The following RGS8 variants were observed in gnomAD, a reference collection of about 807,000 sequenced individuals.
The protein encoded by RGS8 is regulator of G protein signaling 8.
In RGS8, 8 loss-of-function variants were observed where a neutral mutation model predicts 21.7. The ratio of observed to expected loss-of-function variants is 0.37; its 90% CI spans 0.22 to 0.66. RGS8 has a LOEUF of 0.66. Among genes scored for constraint, RGS8 ranks in the 30% least tolerant of loss-of-function variants. The pLI, the probability that RGS8 is intolerant of heterozygous loss-of-function variation, is 0.59. For missense variants in RGS8, 157 were observed against 217.9 expected (o/e 0.72, Z 1.76); for synonymous variants, 80 against 83.6 (o/e 0.96, Z 0.24).
chr1:182,726,956 C>A, the RGS8 span, among the ~76,000 whole-genome samples: 59 of 152,180 alleles, frequency 3.9e-4, no homozygotes, highest in African/African-American at 1.4e-3. Context: ...GGCTTCTTCA[C>A]CTTCTGGGGC....
the RGS8 span, among the ~76,000 whole-genome samples, chr1:182,706,999 A>G: frequency 1.3e-5 from 2 of 151,778 alleles, no homozygotes; most frequent in Non-Finnish European, 2.9e-5. Flanking sequence ...CTCTACTAAA[A>G]ATACAAAAAA....
At chr1:182,662,939 TAG>T (rs1220059287) in intron 5 of RGS8, among the ~76,000 whole-genome samples, 1 of 149,870 alleles carries the variant, frequency 6.7e-6, no homozygotes, top group Non-Finnish European at 1.5e-5. Flanking sequence ...AGATGTCCTG[TAG>T]ATTGAGAATG....
the RGS8 span, among the ~76,000 whole-genome samples, chr1:182,751,852 T>C: frequency 2.1e-4 from 32 of 152,362 alleles, no homozygotes; most frequent in African/African-American, 7.7e-4. Flanking sequence ...GAAACTCTAA[T>C]CATCAGATCA....
At chr1:182,702,559 A>G in the RGS8 span, among the ~76,000 whole-genome samples, 5 of 152,324 alleles carry the variant, frequency 3.3e-5, no homozygotes, top group Non-Finnish European at 7.4e-5. Context: ...TTTTTTAAAA[A>G]GACTTGTTGT....
At chr1:182,672,029 T>C (rs1350912265), upstream of RGS8, 10 of 706,276 alleles carry the variant, frequency 1.4e-5, no homozygotes, top group African/African-American at 1.9e-5. Context: ...GAGCTCAGCC[T>C]CACTAACCTG....
intron 4 of RGS8, 143 bp from the exon 6 acceptor site, chr1:182,666,176 T>G: frequency 1.7e-6 from 1 of 591,268 alleles, no homozygotes. Context: ...CCTGGATTCC[T>G]GCAATTCTGT....
At chr1:182,704,285 T>C in the RGS8 span, among the ~76,000 whole-genome samples, 1 of 150,072 alleles carries the variant, frequency 6.7e-6, no homozygotes, top group Non-Finnish European at 1.5e-5. Context: ...GTTGGAGAGG[T>C]TTTTTCTTGA....
At chr1:182,686,183 CAGTG>C (rs1418732551), upstream of RGS8, among the ~76,000 whole-genome samples, 1 of 152,166 alleles carries the variant, frequency 6.6e-6, no homozygotes, top group Non-Finnish European at 1.5e-5. Flanking sequence ...GTTTGGGAAA[CAGTG>C]AGTGTTCTTT....
intron 5 of RGS8, among the ~76,000 whole-genome samples, chr1:182,649,827 T>C (rs1420151586): frequency 6.6e-6 from 1 of 152,114 alleles, no homozygotes; most frequent in East Asian, 1.9e-4. Flanking sequence ...AGAAGTGTTC[T>C]ACTGGTTATA....
chr1:182,685,569 G>C (rs1664681506), upstream of RGS8, among the ~76,000 whole-genome samples: 1 of 152,194 alleles, frequency 6.6e-6, no homozygotes, highest in Non-Finnish European at 1.5e-5. Flanking sequence ...CACAAACACA[G>C]CTAACGATGG....
upstream of RGS8, among the ~76,000 whole-genome samples, chr1:182,685,841 T>C (rs967273009): frequency 5.9e-5 from 9 of 152,024 alleles, no homozygotes; most frequent in African/African-American, 2.2e-4. Context: ...ACCTAGTATG[T>C]GCTGTGGGGG....
chr1:182,711,314 A>G, the RGS8 span, among the ~76,000 whole-genome samples: 1 of 152,208 alleles, frequency 6.6e-6, no homozygotes, highest in Admixed American at 6.5e-5. Context: ...TGCCAGACAG[A>G]GCCCCCTGAC....
At chr1:182,679,393 T>C (rs1042409440) in intron 1 of RGS8, among the ~76,000 whole-genome samples, 1 of 152,122 alleles carries the variant, frequency 6.6e-6, no homozygotes, top group Non-Finnish European at 1.5e-5. Context: ...ATTCATTTCT[T>C]GGATCTCTCT....
chr1:182,747,043 C>CTTTTGTTT, the RGS8 span, among the ~76,000 whole-genome samples: 1 of 21,028 alleles, frequency 4.8e-5, no homozygotes, highest in Non-Finnish European at 9.4e-5. Flanking sequence ...CACTGCTGGT[C>CTTTTGTTT]TTTTTTTTTT....
the RGS8 span, among the ~76,000 whole-genome samples, chr1:182,735,918 C>G: frequency 6.6e-6 from 1 of 152,196 alleles, no homozygotes; most frequent in Non-Finnish European, 1.5e-5. Context: ...TATCATGACA[C>G]CTGAAGGCCA....
At chr1:182,683,813 G>A (rs1235412933) in intron 1 of RGS8, among the ~76,000 whole-genome samples, 1 of 152,108 alleles carries the variant, frequency 6.6e-6, no homozygotes, top group Non-Finnish European at 1.5e-5. Flanking sequence ...TTCTGCATCG[G>A]AATGTGTGAC....
chr1:182,648,286 G>C, exon 6 of RGS8: 1 of 1,613,202 alleles, frequency 6.2e-7, no homozygotes, highest in Non-Finnish European at 8.5e-7. Context: ...AAGAAGGCAC[G>C]GAATGCAGCC....
chr1:182,735,583 G>A, the RGS8 span, among the ~76,000 whole-genome samples: 1 of 152,290 alleles, frequency 6.6e-6, no homozygotes, highest in East Asian at 1.9e-4. Context: ...AGGGCGCTAT[G>A]GCAGTAACAA....
chr1:182,697,684 C>G, the RGS8 span, among the ~76,000 whole-genome samples: 3 of 151,508 alleles, frequency 2.0e-5, no homozygotes, highest in Non-Finnish European at 4.4e-5. Context: ...TTCTAAAACA[C>G]TTTTTTTTTC....
Sources: gnomAD v4.1 joint callset for allele counts (sites outside exome capture counted in the v4.1 genomes callset) on GRCh38, gnomAD v4.1.1 for gene constraint, MANE v1.5 for transcripts, NCBI Gene and HGNC (gene_info 2026-07-23, HGNC 2026-07-21) for gene names.